The following CCND3 variants were observed in gnomAD, a reference collection of about 807,000 sequenced individuals.
CCND3 encodes the protein cyclin D3, also known as G1/S-specific cyclin-D3.
In CCND3, 9 loss-of-function variants were observed where a neutral mutation model predicts 28.7. The observed-to-expected ratio is 0.31, with a 90% CI of 0.19 to 0.55. The LOEUF is 0.55. Among genes scored for constraint, CCND3 ranks in the 20% least tolerant of loss-of-function variants. CCND3 has a pLI of 0.93. For synonymous variants in CCND3, 164 were observed against 163.9 expected, an observed-to-expected ratio of 1.00 and a Z score of 0.00; for missense variants, 315 against 385.8, an observed-to-expected ratio of 0.82 and a Z score of 1.54.
Position 41,935,902 on chromosome 6 carries a change from C to T in CCND3, c.*38G>A. 2 of 1,576,966 alleles carry T rather than the reference C, an allele frequency of 1.3e-6. No individual in the cohort carries two copies. Among genetic ancestry groups the T allele is most frequent in the Non-Finnish European group, 1.7e-6 (2 of 1,159,108 alleles). ...AGGGAGGTGGGTGGCAGCGGCCCCT[C>T]CTCTGCTTAGTGGCCACTCCAGAGG... is the stretch of plus-strand genomic sequence containing the variant. On this transcript the variant is annotated 3_prime_UTR_variant, in exon 5 of 5. Coordinates refer to ENST00000372991, the MANE Select transcript of CCND3 (RefSeq NM_001760.5).
chr6:41,953,028 T>C (rs1357000397), intron 1 of CCND3, among the ~76,000 whole-genome samples: 1 of 152,064 alleles, frequency 6.6e-6, no homozygotes, highest in African/African-American at 2.4e-5. Context: ...TCCCAGCACT[T>C]TGGGAGGCCG....
At chr6:41,937,695 A>C in intron 2 of CCND3, 1 of 395,798 alleles carries the variant, frequency 2.5e-6, no homozygotes, top group Non-Finnish European at 4.7e-6. Context: ...CCTTCTCCTG[A>C]CTTCATTCAG....
At chr6:41,957,789 G>A (rs1273531263) in intron 1 of CCND3, among the ~76,000 whole-genome samples, 1 of 152,078 alleles carries the variant, frequency 6.6e-6, no homozygotes, top group African/African-American at 2.4e-5. Context: ...CCTGTTGTCA[G>A]CCATTCACAG....
chr6:42,044,039 G>A (rs760952112), intron 1 of CCND3, among the ~76,000 whole-genome samples: 16 of 152,204 alleles, frequency 1.1e-4, no homozygotes, highest in Middle Eastern at 3.2e-3. Flanking sequence ...CTGCTGGCTC[G>A]CAGGGCCGTC....
At position 41,992,953 on chromosome 6, in the gene CCND3, G is replaced by T. The variant is rs542934300; in HGVS notation, c.-45-52368C>A. Among the ~76,000 whole-genome samples, 29 of 152,210 alleles carry T rather than the reference G, an allele frequency of 1.9e-4. 1 individual carries two copies. In the East Asian group the frequency reaches 5.2e-3, roughly 27 times the overall value. ...AGATGGAGTCTCACTCTTTCATCCA[G>T]GCTGGAGTGCAGTTGTACAATCATA... On this transcript the variant is annotated intron_variant, in intron 1 of 4. Transcript: ENST00000372988.
intron 1 of CCND3, among the ~76,000 whole-genome samples, chr6:41,998,373 A>C (rs892577934): frequency 9.8e-5 from 14 of 142,892 alleles, no homozygotes; most frequent in African/African-American, 3.6e-4. Flanking sequence ...TTTGAGACGA[A>C]GTCTTGCTTT....
chr6:42,048,793 C>G lies in CCND3; in HGVS notation c.-338G>C. On this transcript the variant is annotated 5_prime_UTR_variant, in exon 1 of 5. Transcript: ENST00000372988. The surrounding 1 kb of genome is among the most constrained non-coding windows in gnomAD (Gnocchi z 4.7). ...GCTCTGCTCAGCCAAGTTTCGGTCC[C>G]CGGCCTGACTCTCCCACCCCCTGTA... The G allele has an allele frequency of 2.3e-6, 1 of 434,632 alleles. No individual in the cohort carries two copies. Among genetic ancestry groups the G allele is most frequent in the South Asian group, 1.6e-5 (1 of 62,514 alleles). 26.9% of individuals were successfully genotyped at this position (434,632 alleles called of 1,614,324 possible).
intron 1 of CCND3, chr6:41,940,815 C>G: frequency 1.0e-6 from 1 of 986,678 alleles, no homozygotes; most frequent in Non-Finnish European, 1.6e-6. Context: ...AGTGGTAAAG[C>G]CAAGGAGCCC....
chr6:42,045,062 C>G (rs1011361639), intron 1 of CCND3, among the ~76,000 whole-genome samples: 27 of 151,732 alleles, frequency 1.8e-4, no homozygotes, highest in African/African-American at 6.5e-4. Flanking sequence ...CCTTGGCCTC[C>G]CAAAGTGCTG....
chr6:42,018,646 C>T (rs1432128233), intron 1 of CCND3: 2 of 152,056 alleles, frequency 1.3e-5, no homozygotes, highest in African/African-American at 4.8e-5. Context: ...AATCCCAGCA[C>T]TTTGGGAGGC....
intron 1 of CCND3, among the ~76,000 whole-genome samples, chr6:42,002,722 C>T (rs557110203): frequency 9.2e-5 from 14 of 151,696 alleles, no homozygotes; most frequent in South Asian, 2.1e-4. Context: ...GGTGTGGTGG[C>T]GGGCACCTGT....
chr6:41,941,490 G>A lies in CCND3; in HGVS notation c.160C>T (p.Pro54Ser), dbSNP rs1776017471. 2 of 1,607,892 alleles carry A rather than the reference G, an allele frequency of 1.2e-6. No homozygotes were observed. The highest frequency in any genetic ancestry group is 1.7e-6 in the Non-Finnish European group (2 of 1,178,670). Reference protein sequence around the residue: ...YFQCVQREIKPHMRKMLAYWM... With the variant: ...YFQCVQREIKSHMRKMLAYWM... ...TAAGCCAGCATCTTCCGCATGTGCG[G>A]CTTGATCTCCCGCTGCACGCACTGG... The change falls in exon 1 of 5, where the codon CCG (proline) becomes TCG (serine). Residue 54 changes from proline to serine, a missense_variant. Transcript: ENST00000372991. This position sits in a 1 kb window ranked among gnomAD's most constrained non-coding sequence, Gnocchi z 6.1.
intron 1 of CCND3, among the ~76,000 whole-genome samples, chr6:42,000,034 AT>A (rs1390338459): frequency 2.8e-4 from 25 of 89,120 alleles, no homozygotes; most frequent in African/African-American, 7.9e-4. Flanking sequence ...AGATATATTT[AT>A]ATAGGCCTGT....
At chr6:41,996,430 G>A (rs1012365703) in intron 1 of CCND3, among the ~76,000 whole-genome samples, 78 of 151,930 alleles carry the variant, frequency 5.1e-4, no homozygotes, top group Non-Finnish European at 1.0e-3. Context: ...GATTACAGGT[G>A]TAAGCCACCG....
chr6:42,034,340 G>A (rs889549270), intron 1 of CCND3, among the ~76,000 whole-genome samples: 1 of 151,700 alleles, frequency 6.6e-6, no homozygotes, highest in African/African-American at 2.4e-5. Flanking sequence ...TAGAGACAGG[G>A]TTTCGCCATG....
chr6:42,013,727 G>A (rs1014436663), intron 1 of CCND3, among the ~76,000 whole-genome samples: 2 of 152,012 alleles, frequency 1.3e-5, no homozygotes, highest in Admixed American at 1.3e-4. Flanking sequence ...CTAATTTCTG[G>A]CTCTCTCAAT....
At position 41,939,526 on chromosome 6, in the gene CCND3, A is replaced by T. The variant is rs1775920856; in HGVS notation, c.414+844T>A. Among the ~76,000 whole-genome samples, 1 of 152,184 alleles carries T rather than the reference A, an allele frequency of 6.6e-6. No homozygotes were observed. The highest frequency in any genetic ancestry group is 2.1e-4 in the South Asian group (1 of 4,824). On this transcript the variant is annotated intron_variant, in intron 2 of 4. Coordinates refer to ENST00000372991, the MANE Select transcript of CCND3 (RefSeq NM_001760.5). This position sits in a 1 kb window ranked among gnomAD's most constrained non-coding sequence, Gnocchi z 4.2. ...TGACTTTCCTGCCCGGCCTGAGCCC[A>T]GCCCAAGTTTCCAGCAAGAGGCCCA...
chr6:41,981,685 A>G (rs865980576), intron 1 of CCND3, among the ~76,000 whole-genome samples: 11 of 151,586 alleles, frequency 7.3e-5, no homozygotes, highest in Non-Finnish European at 1.2e-4. Flanking sequence ...CACCACACCT[A>G]GCCAATTTTT....
chr6:41,937,998 T>G (rs930729323), intron 2 of CCND3, among the ~76,000 whole-genome samples: 21 of 152,164 alleles, frequency 1.4e-4, no homozygotes, highest in African/African-American at 4.8e-4. Context: ...TGGTAGGATA[T>G]CAGGGATGGG....
Sources: allele counts gnomAD v4.1 joint callset (sites outside exome capture counted in the v4.1 genomes callset), GRCh38; gene constraint gnomAD v4.1.1; non-coding constraint Gnocchi (gnomAD v3.1); transcripts MANE v1.5; gene names NCBI Gene and HGNC (gene_info 2026-07-23, HGNC 2026-07-21).